CCDC169: variants seen among roughly 807,000 people sequenced by gnomAD.
CCDC169 encodes the protein coiled-coil domain containing 169, also known as coiled-coil domain-containing protein 169.
Under a neutral mutation model 36.0 loss-of-function variants are expected in CCDC169, and 30 were observed. The observed-to-expected ratio is 0.83, with a 90% CI of 0.62 to 1.13. The LOEUF is 1.13. Ranked by LOEUF, CCDC169 falls within the 50% of genes most tolerant of loss-of-function variation. The probability of loss-of-function intolerance (pLI) is 0.00; values close to 1 mark genes in which losing one functional copy is unlikely to be tolerated. For synonymous variants in CCDC169, 85 were observed against 81.5 expected (o/e 1.04, Z -0.23); for missense variants, 245 against 245.9 (o/e 1.00, Z 0.03).
At chr13:36,280,634 G>T (rs754269988) in intron 4 of CCDC169, 4 of 152,036 alleles carry the variant, frequency 2.6e-5, no homozygotes, top group African/African-American at 9.7e-5. Flanking sequence ...TTTGTTTGTT[G>T]GCTGACTTAT....
At chr13:36,236,369 T>A (rs1420530499) in intron 7 of CCDC169, among the ~76,000 whole-genome samples, 3 of 152,030 alleles carry the variant, frequency 2.0e-5, no homozygotes, top group Admixed American at 2.0e-4. Context: ...ATTGTTTTTT[T>A]ACAAGAGTGC....
chr13:36,229,131 A>C (rs576587893), downstream of CCDC169, among the ~76,000 whole-genome samples: 4 of 152,212 alleles, frequency 2.6e-5, no homozygotes, highest in Non-Finnish European at 5.9e-5. Flanking sequence ...TAAAGAAATA[A>C]ATATGTGGTA....
intron 7 of CCDC169, among the ~76,000 whole-genome samples, chr13:36,247,683 G>A (rs921708193): frequency 6.6e-6 from 1 of 152,194 alleles, no homozygotes; most frequent in African/African-American, 2.4e-5. Context: ...TTGAATGGAT[G>A]AGGAGTTGCT....
intron 4 of CCDC169, among the ~76,000 whole-genome samples, chr13:36,258,965 A>G (rs1424486987): frequency 6.6e-6 from 1 of 152,166 alleles, no homozygotes; most frequent in African/African-American, 2.4e-5. Context: ...TGTGAAAACA[A>G]TCAAAACCAA....
At chr13:36,276,233 T>C (rs1876806968) in intron 4 of CCDC169, among the ~76,000 whole-genome samples, 1 of 152,232 alleles carries the variant, frequency 6.6e-6, no homozygotes, top group South Asian at 2.1e-4. Flanking sequence ...CATTCATATA[T>C]GTGAACTTAT....
downstream of CCDC169, chr13:36,225,028 T>C (rs143720387): frequency 2.6e-5 from 4 of 151,958 alleles, no homozygotes; most frequent in African/African-American, 4.8e-5. Context: ...TCAACAAAAA[T>C]AGGCAATAAG....
chr13:36,274,445 A>T (rs1172697242), intron 4 of CCDC169: 1 of 152,200 alleles, frequency 6.6e-6, no homozygotes, highest in Non-Finnish European at 1.5e-5. Flanking sequence ...TGGACTGTTC[A>T]TAACTTAATG....
chr13:36,264,390 G>C lies in CCDC169; in HGVS notation c.316-10247C>G, dbSNP rs1038432276. ...CTTGAATCAGAAATGATTATTTAATGAGAGTGATACAGCTGAAGCAAAATA... is the reference window on the plus strand; with the variant it reads ...CTTGAATCAGAAATGATTATTTAATCAGAGTGATACAGCTGAAGCAAAATA... On this transcript the variant is annotated intron_variant, in intron 4 of 7. Transcript: ENST00000239859. Among the ~76,000 whole-genome samples, 14 of 152,096 alleles carry C rather than the reference G, an allele frequency of 9.2e-5. 1 individual carries two copies. Among genetic ancestry groups the C allele is most frequent in the African/African-American group, 3.1e-4 (13 of 41,488 alleles).
chr13:36,261,083 G>A (rs192695983), intron 4 of CCDC169, among the ~76,000 whole-genome samples: 20 of 152,238 alleles, frequency 1.3e-4, no homozygotes, highest in South Asian at 4.2e-4. Flanking sequence ...CCTGTATTGC[G>A]CAGTAATTTT....
chr13:36,288,146 C>T (rs1384883784), intron 2 of CCDC169, among the ~76,000 whole-genome samples: 1 of 151,838 alleles, frequency 6.6e-6, no homozygotes, highest in African/African-American at 2.4e-5. Flanking sequence ...GTAGCTGGGA[C>T]TACAGGCGCC....
intron 7 of CCDC169, among the ~76,000 whole-genome samples, chr13:36,233,990 C>T (rs188804263): frequency 1.3e-5 from 2 of 152,288 alleles, no homozygotes; most frequent in East Asian, 3.9e-4. Flanking sequence ...AAGTCTGACA[C>T]ATTTAAAAGT....
chr13:36,243,450 A>C (rs1872107331), intron 7 of CCDC169, among the ~76,000 whole-genome samples: 1 of 55,382 alleles, frequency 1.8e-5, no homozygotes. Flanking sequence ...CAGTGAGCAG[A>C]GAGATTGCAC....
chr13:36,265,753 A>G (rs9547032), intron 4 of CCDC169, among the ~76,000 whole-genome samples: 38,761 of 152,168 alleles, frequency 0.25, 5,223 homozygotes, highest in East Asian at 0.49. Context: ...CAGAAATTAG[A>G]GACCCATAAG....
At chr13:36,222,381 A>G (rs991972237), downstream of CCDC169, 1 of 152,250 alleles carries the variant, frequency 6.6e-6, no homozygotes, top group African/African-American at 2.4e-5. Flanking sequence ...ATGTAAAAAC[A>G]GAATTCCAGA....
At position 36,231,208 on chromosome 13, in the gene CCDC169, T is replaced by A; in HGVS notation, c.630A>T (p.Pro210=). The A allele has an allele frequency of 6.4e-7, 1 of 1,551,280 alleles. No homozygotes were observed. Among genetic ancestry groups the A allele is most frequent in the Non-Finnish European group, 8.7e-7 (1 of 1,146,808 alleles). The change falls in exon 8 of 8, where the codon CCA becomes CCT. Residue 210 remains proline, a synonymous_variant. Coordinates refer to ENST00000239859, the MANE Select transcript of CCDC169 (RefSeq NM_001144981.3). ...AGTTCTGGAATCATGGATGGAGTTCTGGAAGATGGTTTGGTCTTGTAATCT... is the reference window on the plus strand; with the variant it reads ...AGTTCTGGAATCATGGATGGAGTTCAGGAAGATGGTTTGGTCTTGTAATCT... ...VKKITRPNHL[P]ELHP is the part of the protein sequence containing the mutation.
chr13:36,284,839 A>G (rs1456207069), intron 2 of CCDC169, among the ~76,000 whole-genome samples: 1 of 151,832 alleles, frequency 6.6e-6, no homozygotes, highest in African/African-American at 2.4e-5. Context: ...ACCACTACCA[A>G]CCTCCTCAGC....
chr13:36,263,315 G>C (rs983988719), intron 4 of CCDC169, among the ~76,000 whole-genome samples: 29 of 152,070 alleles, frequency 1.9e-4, no homozygotes, highest in African/African-American at 6.8e-4. Context: ...GCAAATTAAA[G>C]GGAAAAAATC....
At chr13:36,264,323 G>A (rs1817395810) in intron 4 of CCDC169, among the ~76,000 whole-genome samples, 2 of 152,052 alleles carry the variant, frequency 1.3e-5, no homozygotes, top group Non-Finnish European at 1.5e-5. Flanking sequence ...GAAGGATTTA[G>A]ATGGAAAAAG....
At chr13:36,295,521 T>G (rs1245615529) in intron 2 of CCDC169, among the ~76,000 whole-genome samples, 2 of 152,206 alleles carry the variant, frequency 1.3e-5, no homozygotes, top group African/African-American at 4.8e-5. Flanking sequence ...TATATTGATG[T>G]CATGTAACAA....
Sources: gnomAD v4.1 joint callset for allele counts (sites outside exome capture counted in the v4.1 genomes callset) on GRCh38, gnomAD v4.1.1 for gene constraint, MANE v1.5 for transcripts, NCBI Gene and HGNC (gene_info 2026-07-23, HGNC 2026-07-21) for gene names.